Variants in STPG2 observed in about 807,000 individuals in gnomAD.
STPG2 encodes sperm tail PG-rich repeat containing 2, also known as sperm-tail PG-rich repeat-containing protein 2.
STPG2 carries 56 observed loss-of-function variants against 54.2 expected under a neutral mutation model. The ratio of observed to expected loss-of-function variants is 1.03; its 90% CI spans 0.83 to 1.29. The LOEUF is 1.29. STPG2 is among the 50% of genes most tolerant of loss of function. The pLI is 0.00. For synonymous variants in STPG2, 200 were observed against 181.8 expected (o/e 1.10, Z -0.81); for missense variants, 596 against 544.9 (o/e 1.09, Z -0.93).
chr4:98,043,045 T>TA (rs1234239374), intron 5 of STPG2, among the ~76,000 whole-genome samples: 1 of 152,094 alleles, frequency 6.6e-6, no homozygotes, highest in African/African-American at 2.4e-5. Context: ...ACAATGGTTA[T>TA]ATCTTCCTAC....
At chr4:97,920,360 T>A (rs1185606243) in intron 8 of STPG2, among the ~76,000 whole-genome samples, 1 of 152,200 alleles carries the variant, frequency 6.6e-6, no homozygotes, top group Non-Finnish European at 1.5e-5. Flanking sequence ...AAGGAAGGAA[T>A]GTTTCCACAC....
At chr4:97,721,472 C>T (rs184805392) in intron 9 of STPG2, among the ~76,000 whole-genome samples, 1 of 152,042 alleles carries the variant, frequency 6.6e-6, no homozygotes, top group African/African-American at 2.4e-5. Flanking sequence ...AAATGGATAT[C>T]TTTTACAAAC....
intron 8 of STPG2, among the ~76,000 whole-genome samples, chr4:97,857,963 G>T (rs567621494): frequency 5.3e-5 from 8 of 152,028 alleles, no homozygotes; most frequent in Admixed American, 4.6e-4. Flanking sequence ...AAATTAGTGA[G>T]CTTGAAGAAA....
At chr4:97,941,350 CTT>C (rs1458329063) in intron 8 of STPG2, among the ~76,000 whole-genome samples, 2 of 152,000 alleles carry the variant, frequency 1.3e-5, no homozygotes, top group Admixed American at 1.3e-4. Context: ...AAATCAGTAA[CTT>C]ATGTTTTTAT....
chr4:97,783,059 C>G (rs913381327), intron 9 of STPG2, among the ~76,000 whole-genome samples: 12 of 152,162 alleles, frequency 7.9e-5, no homozygotes, highest in Non-Finnish European at 1.2e-4. Context: ...GCAATGGCAA[C>G]AAAAGCCAAA....
intron 7 of STPG2, among the ~76,000 whole-genome samples, chr4:97,958,051 G>A (rs1733744442): frequency 6.6e-6 from 1 of 152,108 alleles, no homozygotes; most frequent in Non-Finnish European, 1.5e-5. Context: ...GCTCACACTG[G>A]TAATCCCAGT....
intron 8 of STPG2, among the ~76,000 whole-genome samples, chr4:97,936,775 AGG>A (rs1732759797): frequency 3.9e-5 from 6 of 152,094 alleles, no homozygotes; most frequent in Non-Finnish European, 8.8e-5. Flanking sequence ...TTCCCTTTGT[AGG>A]TGACCTGGCC....
chr4:97,866,636 G>C (rs774689623), intron 8 of STPG2, among the ~76,000 whole-genome samples: 1 of 151,854 alleles, frequency 6.6e-6, no homozygotes, highest in African/African-American at 2.4e-5. Flanking sequence ...TTTTTGGTAT[G>C]TGTGATACAG....
At chr4:97,805,522 A>G (rs879647256) in intron 9 of STPG2, among the ~76,000 whole-genome samples, 10 of 152,108 alleles carry the variant, frequency 6.6e-5, no homozygotes, top group Admixed American at 6.6e-4. Flanking sequence ...GTTCTAATCT[A>G]TTTAAAAGAT....
chr4:98,050,746 C>G (rs1737292330), intron 5 of STPG2, among the ~76,000 whole-genome samples: 1 of 152,148 alleles, frequency 6.6e-6, no homozygotes, highest in African/African-American at 2.4e-5. Context: ...TGGCTCACGC[C>G]TGTAATCCCA....
At chr4:97,927,769 C>T (rs1732392238) in intron 8 of STPG2, among the ~76,000 whole-genome samples, 1 of 152,010 alleles carries the variant, frequency 6.6e-6, no homozygotes, top group African/African-American at 2.4e-5. Context: ...AACTCTGCGC[C>T]TCCATTTCTT....
chr4:97,920,362 T>C (rs1242847683), intron 8 of STPG2, among the ~76,000 whole-genome samples: 1 of 152,190 alleles, frequency 6.6e-6, no homozygotes, highest in Non-Finnish European at 1.5e-5. Context: ...GGAAGGAATG[T>C]TTCCACACTC....
At chr4:98,040,844 T>C (rs1452263237) in intron 5 of STPG2, among the ~76,000 whole-genome samples, 2 of 151,894 alleles carry the variant, frequency 1.3e-5, no homozygotes, top group African/African-American at 2.4e-5. Context: ...AATTATTTTT[T>C]CTACTTCTGT....
At chr4:97,906,629 C>T (rs928175296) in intron 8 of STPG2, among the ~76,000 whole-genome samples, 1 of 152,030 alleles carries the variant, frequency 6.6e-6, no homozygotes, top group African/African-American at 2.4e-5. Flanking sequence ...AAAATATTGG[C>T]AAACCGAATC....
At chr4:98,013,843 T>G (rs1735838547) in intron 5 of STPG2, among the ~76,000 whole-genome samples, 1 of 152,078 alleles carries the variant, frequency 6.6e-6, no homozygotes, top group African/African-American at 2.4e-5. Flanking sequence ...TTGTGTCTAT[T>G]TCATTCTTCT....
chr4:97,608,642 C>G (rs1733653579), intron 10 of STPG2, among the ~76,000 whole-genome samples: 1 of 151,942 alleles, frequency 6.6e-6, no homozygotes, highest in Admixed American at 6.6e-5. Context: ...TGGGCTGGGA[C>G]TTTAAGGAGT....
At chr4:97,944,405 G>A (rs1312081411) in intron 7 of STPG2, among the ~76,000 whole-genome samples, 1 of 151,524 alleles carries the variant, frequency 6.6e-6, no homozygotes, top group Non-Finnish European at 1.5e-5. Context: ...TAATTTTGTG[G>A]CAATTCTGGG....
intron 5 of STPG2, among the ~76,000 whole-genome samples, chr4:98,067,375 T>G (rs1051461667): frequency 6.6e-6 from 1 of 152,140 alleles, no homozygotes; most frequent in African/African-American, 2.4e-5. Flanking sequence ...TATATTCAAT[T>G]TTAAAGAAAA....
chr4:97,693,147 A>G (rs1266894579), intron 10 of STPG2, among the ~76,000 whole-genome samples: 2 of 151,982 alleles, frequency 1.3e-5, no homozygotes, highest in Non-Finnish European at 2.9e-5. Flanking sequence ...AAAAAAAAAA[A>G]AAAGAAAGGT....
Sources: allele counts gnomAD v4.1 joint callset (sites outside exome capture counted in the v4.1 genomes callset), GRCh38; gene constraint gnomAD v4.1.1; transcripts MANE v1.5; gene names NCBI Gene and HGNC (gene_info 2026-07-23, HGNC 2026-07-21).